Variants in CCDC141 observed in about 807,000 individuals in gnomAD.
CCDC141 encodes the protein coiled-coil domain containing 141, also known as coiled-coil domain-containing protein 141.
Under a neutral mutation model 181.0 loss-of-function variants are expected in CCDC141, and 168 were observed. That is an observed-to-expected ratio of 0.93 (90% CI 0.82 to 1.05). The LOEUF (loss-of-function observed/expected upper bound fraction) is 1.05. CCDC141 is among the 50% of genes least tolerant of loss of function. The pLI, the probability that CCDC141 is intolerant of heterozygous loss-of-function variation, is 0.00. For missense variants in CCDC141, 1,902 were observed against 1,788.5 expected (o/e 1.06, Z -1.14); for synonymous variants, 666 against 642.3 (o/e 1.04, Z -0.56).
intron 7 of CCDC141, among the ~76,000 whole-genome samples, chr2:178,918,059 C>A (rs1315156397): frequency 6.6e-6 from 1 of 152,140 alleles, no homozygotes; most frequent in African/African-American, 2.4e-5. Context: ...CCATGGGAAA[C>A]ACTATAATGT....
At chr2:178,824,866 C>A (rs1455049883), downstream of CCDC141, among the ~76,000 whole-genome samples, 1 of 152,064 alleles carries the variant, frequency 6.6e-6, no homozygotes. Flanking sequence ...TGGATGGGGT[C>A]TTTACAGTGC....
chr2:178,839,949 T>G (rs1205870269), intron 22 of CCDC141, among the ~76,000 whole-genome samples: 1 of 152,206 alleles, frequency 6.6e-6, no homozygotes, highest in Non-Finnish European at 1.5e-5. Context: ...ACTACAACAT[T>G]TTGGCAGCCT....
At chr2:179,038,871 T>A (rs922833797) in intron 2 of CCDC141, among the ~76,000 whole-genome samples, 1 of 152,176 alleles carries the variant, frequency 6.6e-6, no homozygotes, top group Non-Finnish European at 1.5e-5. Flanking sequence ...TTCTTGACTC[T>A]TACAGTCATA....
chr2:178,962,137 G>A (rs1690432726), intron 4 of CCDC141, among the ~76,000 whole-genome samples: 1 of 152,116 alleles, frequency 6.6e-6, no homozygotes. Context: ...ATAGATATCT[G>A]CCAAATGGAC....
Position 178,869,315 on chromosome 2 carries a change from T to C in CCDC141, c.2206-10A>G, listed in dbSNP as rs758000963. ...CCTCATCATTCAATTGCTAAAACATTGAAAGCAATAAAAAAATCTTGCTAT... is the reference window on the plus strand; with the variant it reads ...CCTCATCATTCAATTGCTAAAACATCGAAAGCAATAAAAAAATCTTGCTAT... On this transcript the variant is annotated splice_polypyrimidine_tract_variant and intron_variant, in intron 14 of 23. Coordinates refer to ENST00000443758, the MANE Select transcript of CCDC141 (RefSeq NM_173648.4). The C allele has an allele frequency of 6.4e-7, 1 of 1,564,020 alleles. No individual in the cohort carries two copies.
At chr2:179,035,786 C>A (rs1369063581) in intron 2 of CCDC141, among the ~76,000 whole-genome samples, 1 of 152,106 alleles carries the variant, frequency 6.6e-6, no homozygotes, top group Non-Finnish European at 1.5e-5. Context: ...GAGGCTGGGG[C>A]CCAGAATATG....
At chr2:178,967,546 A>AT (rs1000412539) in intron 4 of CCDC141, among the ~76,000 whole-genome samples, 1 of 152,186 alleles carries the variant, frequency 6.6e-6, no homozygotes, top group African/African-American at 2.4e-5. Flanking sequence ...ATGCTGAGAG[A>AT]TTTTGTCACC....
chr2:178,903,069 A>T (rs1687784616), intron 8 of CCDC141, among the ~76,000 whole-genome samples: 1 of 150,282 alleles, frequency 6.7e-6, no homozygotes, highest in African/African-American at 2.4e-5. Flanking sequence ...ACCATCTCAC[A>T]CCAGTCAGAA....
chr2:179,001,445 A>C (rs2041973728), intron 2 of CCDC141, among the ~76,000 whole-genome samples: 1 of 152,210 alleles, frequency 6.6e-6, no homozygotes, highest in African/African-American at 2.4e-5. Context: ...ATATACTCCA[A>C]CTGGCTAGAA....
At chr2:178,893,065 G>A (rs1436202799) in intron 8 of CCDC141, among the ~76,000 whole-genome samples, 1 of 152,140 alleles carries the variant, frequency 6.6e-6, no homozygotes, top group East Asian at 1.9e-4. Flanking sequence ...TGAACATGCG[G>A]TAGATCAGAT....
chr2:178,816,456 G>C, the CCDC141 span, among the ~76,000 whole-genome samples: 1 of 152,166 alleles, frequency 6.6e-6, no homozygotes, highest in African/African-American at 2.4e-5. Context: ...AGGACATCTT[G>C]TTTGCTTCCA....
intron 11 of CCDC141, among the ~76,000 whole-genome samples, chr2:178,880,967 G>A (rs1686576086): frequency 6.6e-6 from 1 of 152,208 alleles, no homozygotes; most frequent in South Asian, 2.1e-4. Flanking sequence ...GAAAGCATTG[G>A]TTTGGAGCTC....
chr2:179,035,371 T>C (rs76517293), intron 2 of CCDC141, among the ~76,000 whole-genome samples: 1 of 152,342 alleles, frequency 6.6e-6, no homozygotes, highest in East Asian at 1.9e-4. Flanking sequence ...TTTTCATTTA[T>C]AAGCACTGCC....
intron 6 of CCDC141, among the ~76,000 whole-genome samples, chr2:178,930,167 T>C (rs1023266388): frequency 1.4e-4 from 22 of 152,064 alleles, no homozygotes; most frequent in Admixed American, 2.6e-4. Flanking sequence ...TAGAATAGCA[T>C]TGAACAACCT....
chr2:178,848,866 A>G (rs1479501921), intron 21 of CCDC141, among the ~76,000 whole-genome samples: 1 of 152,204 alleles, frequency 6.6e-6, no homozygotes, highest in Non-Finnish European at 1.5e-5. Context: ...TGGGAAGCAA[A>G]TAACATACAT....
intron 2 of CCDC141, among the ~76,000 whole-genome samples, chr2:179,017,379 T>C (rs1412598733): frequency 6.6e-6 from 1 of 152,100 alleles, no homozygotes; most frequent in African/African-American, 2.4e-5. Flanking sequence ...GAAAGATGCT[T>C]TATAGGGGTG....
intron 2 of CCDC141, among the ~76,000 whole-genome samples, chr2:179,021,426 A>G (rs1205754388): frequency 6.6e-6 from 1 of 152,190 alleles, no homozygotes. Flanking sequence ...GATTGGCTTC[A>G]GTTTGAAATA....
intron 16 of CCDC141, among the ~76,000 whole-genome samples, chr2:178,866,898 G>A (rs1388175929): frequency 1.3e-5 from 2 of 152,116 alleles, no homozygotes; most frequent in Non-Finnish European, 2.9e-5. Flanking sequence ...GCTAATTGTT[G>A]TATTTTTAGT....
At chr2:178,933,471 C>T (rs991843486) in intron 6 of CCDC141, among the ~76,000 whole-genome samples, 3 of 152,092 alleles carry the variant, frequency 2.0e-5, no homozygotes, top group Non-Finnish European at 2.9e-5. Context: ...TCTAACAACT[C>T]TCTGATGTTG....
Sources: gnomAD v4.1 joint callset for allele counts (sites outside exome capture counted in the v4.1 genomes callset) on GRCh38, gnomAD v4.1.1 for gene constraint, MANE v1.5 for transcripts, NCBI Gene and HGNC (gene_info 2026-07-23, HGNC 2026-07-21) for gene names.